MARCHF1: variants seen among roughly 807,000 people sequenced by gnomAD.
MARCHF1 encodes membrane associated ring-CH-type finger 1, also known as E3 ubiquitin-protein ligase MARCHF1.
In MARCHF1, 40 loss-of-function variants were observed where a neutral mutation model predicts 54.2. That is an observed-to-expected ratio of 0.74 (90% confidence interval 0.57 to 0.96). The LOEUF (loss-of-function observed/expected upper bound fraction) is 0.96, where lower values mean the gene tolerates loss of function less well. Among genes scored for constraint, MARCHF1 ranks in the 40% least tolerant of loss-of-function variants. The pLI is 0.00. For synonymous variants in MARCHF1, 236 were observed against 236.3 expected, an observed-to-expected ratio of 1.00 and a Z score of 0.01; for missense variants, 586 against 656.5, an observed-to-expected ratio of 0.89 and a Z score of 1.17.
At chr4:163,945,469 T>C (rs540871174) in intron 3 of MARCHF1, among the ~76,000 whole-genome samples, 1 of 152,200 alleles carries the variant, frequency 6.6e-6, no homozygotes, top group African/African-American at 2.4e-5. Flanking sequence ...AAATCACCAC[T>C]AATAATATTT....
At chr4:164,073,182 T>C (rs915839245) in intron 2 of MARCHF1, among the ~76,000 whole-genome samples, 5 of 152,188 alleles carry the variant, frequency 3.3e-5, no homozygotes, top group Admixed American at 3.3e-4. Context: ...AACAGGCAGA[T>C]GAGTATTGGA....
In MARCHF1 at chr4:164,003,817, T is replaced by C. The variant is rs1753232131; in HGVS notation, c.-247-15108A>G. On this transcript the variant is annotated intron_variant, in intron 2 of 9. Coordinates refer to ENST00000514618, the MANE Select transcript of MARCHF1 (RefSeq NM_001394959.1). ...AATGAAAGGAATATAAATCATTCTA[T>C]TATAAAGATACATGCATGTGTATGT... Among the ~76,000 whole-genome samples, 2 of 152,114 alleles carry C rather than the reference T, an allele frequency of 1.3e-5. 1 individual carries two copies. Among genetic ancestry groups the C allele is most frequent in the South Asian group, 4.1e-4 (2 of 4,830 alleles).
intron 2 of MARCHF1, among the ~76,000 whole-genome samples, chr4:164,039,736 A>C (rs1431977320): frequency 6.6e-6 from 1 of 152,096 alleles, no homozygotes; most frequent in Non-Finnish European, 1.5e-5. Context: ...GCTGCTTGAC[A>C]GTAGAGTTTT....
intron 1 of MARCHF1, among the ~76,000 whole-genome samples, chr4:164,304,562 T>C (rs1447802721): frequency 3.3e-5 from 5 of 152,200 alleles, no homozygotes; most frequent in East Asian, 3.8e-4. Flanking sequence ...TATAAATTCT[T>C]AGAGGTACCT....
chr4:163,844,503 G>T (rs962791641), intron 4 of MARCHF1, among the ~76,000 whole-genome samples: 1 of 151,980 alleles, frequency 6.6e-6, no homozygotes. Context: ...TGCCAAGGCC[G>T]ATGTGACTAC....
At chr4:164,109,350 G>T (rs186923287) in intron 2 of MARCHF1, among the ~76,000 whole-genome samples, 3 of 150,640 alleles carry the variant, frequency 2.0e-5, no homozygotes, top group Admixed American at 6.6e-5. Flanking sequence ...TTATTCCTGT[G>T]CTTAAAAACT....
chr4:163,836,555 T>TC (rs1749191722), intron 4 of MARCHF1, among the ~76,000 whole-genome samples: 1 of 67,082 alleles, frequency 1.5e-5, no homozygotes, highest in Non-Finnish European at 3.0e-5. Context: ...AATTTATTTT[T>TC]TGATACACGT....
At chr4:163,880,870 A>T (rs1300488568) in intron 3 of MARCHF1, among the ~76,000 whole-genome samples, 1 of 152,198 alleles carries the variant, frequency 6.6e-6, no homozygotes, top group Non-Finnish European at 1.5e-5. Flanking sequence ...TAAATATTTG[A>T]CATATATCTC....
At chr4:164,372,149 C>T (rs898663553) in intron 1 of MARCHF1, among the ~76,000 whole-genome samples, 4 of 152,154 alleles carry the variant, frequency 2.6e-5, no homozygotes, top group Non-Finnish European at 5.9e-5. Context: ...AATTTTAGTT[C>T]ATTTTAATTT....
At chr4:163,778,990 C>A (rs1747386210) in intron 4 of MARCHF1, among the ~76,000 whole-genome samples, 1 of 152,104 alleles carries the variant, frequency 6.6e-6, no homozygotes, top group African/African-American at 2.4e-5. Context: ...CAAATAAAAA[C>A]AATAAAAACA....
chr4:163,926,744 TA>T (rs1343288600), intron 3 of MARCHF1, among the ~76,000 whole-genome samples: 1 of 151,700 alleles, frequency 6.6e-6, no homozygotes, highest in African/African-American at 2.4e-5. Context: ...AAGACATTTA[TA>T]TTTTAAAGAG....
At chr4:164,174,895 G>GA (rs1553989181) in intron 1 of MARCHF1, among the ~76,000 whole-genome samples, 1 of 151,810 alleles carries the variant, frequency 6.6e-6, no homozygotes, top group African/African-American at 2.4e-5. Flanking sequence ...GGGGAAGAGA[G>GA]TTTTTTTTGT....
intron 1 of MARCHF1, among the ~76,000 whole-genome samples, chr4:164,121,956 G>A (rs1756076163): frequency 6.6e-6 from 1 of 151,934 alleles, no homozygotes; most frequent in Non-Finnish European, 1.5e-5. Context: ...CAAAATACTA[G>A]CAAACTGAAA....
intron 8 of MARCHF1, among the ~76,000 whole-genome samples, chr4:163,564,268 C>T (rs559964915): frequency 9.9e-5 from 15 of 152,222 alleles, no homozygotes; most frequent in African/African-American, 3.1e-4. Flanking sequence ...GACTGACTGA[C>T]GTTTGAATGC....
chr4:163,830,685 G>A (rs926449328), intron 4 of MARCHF1, among the ~76,000 whole-genome samples: 6 of 151,966 alleles, frequency 3.9e-5, no homozygotes, highest in Admixed American at 6.6e-5. Flanking sequence ...AGGCCGAGGC[G>A]GGAGCATCAC....
intron 8 of MARCHF1, among the ~76,000 whole-genome samples, chr4:163,554,897 A>T (rs1028331436): frequency 5.3e-5 from 8 of 152,246 alleles, no homozygotes; most frequent in Admixed American, 5.2e-4. Flanking sequence ...AATATATATG[A>T]GCCCAATGTT....
intron 2 of MARCHF1, among the ~76,000 whole-genome samples, chr4:164,082,716 T>C (rs936690080): frequency 1.3e-5 from 2 of 152,174 alleles, no homozygotes; most frequent in Non-Finnish European, 2.9e-5. Flanking sequence ...AATTCATAAA[T>C]TGTGTCTTAC....
At chr4:163,709,644 C>A (rs1364998881) in intron 4 of MARCHF1, among the ~76,000 whole-genome samples, 6 of 152,072 alleles carry the variant, frequency 3.9e-5, no homozygotes, top group African/African-American at 1.2e-4. Flanking sequence ...TGATACAGGA[C>A]CTGGAATATA....
intron 1 of MARCHF1, among the ~76,000 whole-genome samples, chr4:164,249,708 T>TA (rs981170196): frequency 2.7e-4 from 40 of 147,230 alleles, no homozygotes; most frequent in African/African-American, 7.3e-4. Flanking sequence ...AAAAACCAGT[T>TA]AAAAAAAAAT....
Sources: gnomAD v4.1 joint callset for allele counts (sites outside exome capture counted in the v4.1 genomes callset) on GRCh38, gnomAD v4.1.1 for gene constraint, MANE v1.5 for transcripts, NCBI Gene and HGNC (gene_info 2026-07-23, HGNC 2026-07-21) for gene names.